The following SOAT1 variants were observed in gnomAD, a reference collection of about 807,000 sequenced individuals.
The protein encoded by SOAT1 is acyl-coenzyme A:cholesterol acyltransferase 1.
Under a neutral mutation model 69.5 loss-of-function variants are expected in SOAT1, and 55 were observed. The ratio of observed to expected loss-of-function variants is 0.79; its 90% CI spans 0.64 to 0.99. The LOEUF is 0.99. Ranked by LOEUF, SOAT1 falls within the 50% of genes least tolerant of loss-of-function variation. The probability of loss-of-function intolerance (pLI) is 0.00; values close to 1 mark genes in which losing one functional copy is unlikely to be tolerated. For synonymous variants in SOAT1, 231 were observed against 224.7 expected (o/e 1.03, Z -0.25); for missense variants, 580 against 669.3 (o/e 0.87, Z 1.47).
intron 3 of SOAT1, among the ~76,000 whole-genome samples, chr1:179,329,346 AT>A (rs1665894780): frequency 6.6e-6 from 1 of 152,016 alleles, no homozygotes; most frequent in South Asian, 2.1e-4. Flanking sequence ...TCTCAAAAAA[AT>A]AAATTAAAAA....
intron 8 of SOAT1, 115 bp downstream of exon 8, chr1:179,342,307 CTT>C (rs1188656810): frequency 3.3e-6 from 2 of 600,648 alleles, no homozygotes. Flanking sequence ...CTCCCTCTCT[CTT>C]TTTCTCTTTC....
chr1:179,295,805 ATTTT>A (rs55761300), intron 1 of SOAT1, among the ~76,000 whole-genome samples: 151 of 130,308 alleles, frequency 1.2e-3, no homozygotes, highest in Middle Eastern at 3.9e-3. Context: ...CGCCCGGCTA[ATTTT>A]TTTTTTTTTT....
chr1:179,319,300 C>G, intron 2 of SOAT1, among the ~76,000 whole-genome samples: 1 of 140,538 alleles, frequency 7.1e-6, no homozygotes, highest in South Asian at 2.3e-4. Context: ...GACAGAGTCT[C>G]GCTGTGTCAC....
chr1:179,326,838 G>A (rs1665811529), intron 3 of SOAT1, among the ~76,000 whole-genome samples: 1 of 152,102 alleles, frequency 6.6e-6, no homozygotes, highest in Non-Finnish European at 1.5e-5. Context: ...GGGATTACAG[G>A]CATGAGCCAC....
At position 179,335,778 on chromosome 1, in the gene SOAT1, T is replaced by C. The variant is rs1666126474; in HGVS notation, c.329+121T>C. On this transcript the variant is annotated intron_variant, in intron 4 of 15. Transcript: ENST00000367619. The stretch of plus-strand genomic sequence containing the variant: ...GGTGTCACTTTCTATTGGCTGTGTG[T>C]TACATTGGGAAAGTTACTTAACCAT... 20 of 893,468 alleles carry C rather than the reference T, an allele frequency of 2.2e-5. 1 individual carries two copies. In the South Asian group the frequency reaches 4.2e-4, roughly 19 times the overall value. 55.3% of individuals were successfully genotyped at this position (893,468 alleles called of 1,614,324 possible).
chr1:179,302,950 A>G, intron 2 of SOAT1, 148 bp downstream of exon 2: 1 of 519,962 alleles, frequency 1.9e-6, no homozygotes. Flanking sequence ...CAATTAGACA[A>G]TAAGTCCTTT....
chr1:179,350,501 A>G, intron 14 of SOAT1, 70 bp downstream of exon 14: 2 of 1,444,964 alleles, frequency 1.4e-6, no homozygotes, highest in Non-Finnish European at 1.9e-6. Context: ...AAAGGAAACT[A>G]TAAAATCAAT....
rs373875383 is a variant in SOAT1 at position 179,351,549 on chromosome 1, G to C, written c.1596+87G>C. 386 of 1,235,298 alleles carry C rather than the reference G, an allele frequency of 3.1e-4. 1 individual carries two copies. The South Asian group carries it at 4.9e-3, about 16-fold the overall frequency. The allele number at this position is 1,235,298 out of a possible 1,614,324, so 76.5% of individuals were successfully genotyped here. A position where few individuals can be genotyped will look rare whatever the true frequency, so the allele number is the denominator to read the frequency against. ...GTGGGCAATGTTGAGGAGCACAGTA[G>C]TGGAGATTATGATGAATTAGTGTTA... is the stretch of plus-strand genomic sequence containing the variant. On this transcript the variant is annotated intron_variant, in intron 15 of 15. Coordinates refer to ENST00000367619, the MANE Select transcript of SOAT1 (RefSeq NM_003101.6).
chr1:179,351,021 C>CTTTTTTTTTTTTTTTTTTTTTTTTTTT, intron 14 of SOAT1, among the ~76,000 whole-genome samples: 1 of 127,592 alleles, frequency 7.8e-6, no homozygotes, highest in South Asian at 2.5e-4. Flanking sequence ...ATATTTCTTT[C>CTTTTTTTTTTTTTTTTTTTTTTTTTTT]TTTTTTTTTT....
chr1:179,294,304 T>C (rs750689976), intron 1 of SOAT1: 2 of 152,084 alleles, frequency 1.3e-5, no homozygotes, highest in South Asian at 4.1e-4. Flanking sequence ...AGAGAAAATG[T>C]GTGAAGGGAA....
rs1666929484 is a variant in SOAT1 at position 179,356,950 on chromosome 1, T to G, written c.*3309T>G. 6.6e-6 allele frequency: 1 copy of G among 152,084 alleles called. No homozygotes were observed. Among genetic ancestry groups the G allele is most frequent in the African/African-American group, 2.4e-5 (1 of 41,406 alleles). The allele number at this position is 152,084 out of a possible 1,614,324, so 9.4% of individuals were successfully genotyped here. ...GCAAAACTCCCACTGCAGAAAGCTT[T>G]GGGATTACAGGCATGAGCCACCATG... On this transcript the variant is annotated 3_prime_UTR_variant, in exon 16 of 16. Coordinates refer to ENST00000367619, the MANE Select transcript of SOAT1 (RefSeq NM_003101.6).
At chr1:179,347,798 A>G in intron 12 of SOAT1, 101 bp downstream of exon 12, 1 of 667,130 alleles carries the variant, frequency 1.5e-6, no homozygotes, top group African/African-American at 1.8e-5. Context: ...TTTCACACAA[A>G]CATTGTGAAA....
intron 3 of SOAT1, among the ~76,000 whole-genome samples, chr1:179,323,749 C>T (rs1282501443): frequency 1.3e-5 from 2 of 152,136 alleles, no homozygotes; most frequent in African/African-American, 2.4e-5. Flanking sequence ...TAGTGACCCA[C>T]GTTAACAGTT....
intron 2 of SOAT1, among the ~76,000 whole-genome samples, chr1:179,322,523 G>A (rs1403802905): frequency 6.6e-6 from 1 of 151,918 alleles, no homozygotes; most frequent in East Asian, 1.9e-4. Flanking sequence ...GCTGGGACAA[G>A]CCTCTTCTTT....
At chr1:179,318,458 C>T (rs76586556) in intron 2 of SOAT1, among the ~76,000 whole-genome samples, 1,538 of 152,078 alleles carry the variant, frequency 0.01, 33 homozygotes, top group African/African-American at 0.035. Context: ...GTCAGAATAC[C>T]GCCGTTAGTC....
chr1:179,337,531 T>C (rs1444356575), intron 4 of SOAT1, among the ~76,000 whole-genome samples: 1 of 149,060 alleles, frequency 6.7e-6, no homozygotes, highest in Non-Finnish European at 1.5e-5. Context: ...TGCCATTCTC[T>C]ACAAGAAGGA....
chr1:179,303,310 T>C (rs931772764), intron 2 of SOAT1, among the ~76,000 whole-genome samples: 4 of 152,228 alleles, frequency 2.6e-5, no homozygotes, highest in Non-Finnish European at 4.4e-5. Context: ...TATTAGTTCT[T>C]GTATCCACGT....
At chr1:179,301,677 T>G (rs866842849) in intron 1 of SOAT1, among the ~76,000 whole-genome samples, 4 of 152,188 alleles carry the variant, frequency 2.6e-5, no homozygotes, top group Non-Finnish European at 1.5e-5. Context: ...TGAGGGTAAT[T>G]TTTTTCAGAA....
At chr1:179,339,180 A>G (rs970228266) in intron 5 of SOAT1, among the ~76,000 whole-genome samples, 1 of 152,222 alleles carries the variant, frequency 6.6e-6, no homozygotes, top group Admixed American at 6.5e-5. Context: ...AGGGAGTAGA[A>G]TATGAATAGG....
Sources: allele counts gnomAD v4.1 joint callset (sites outside exome capture counted in the v4.1 genomes callset), GRCh38; gene constraint gnomAD v4.1.1; transcripts MANE v1.5; gene names NCBI Gene and HGNC (gene_info 2026-07-23, HGNC 2026-07-21).